MYOM1: variants seen among roughly 807,000 people sequenced by gnomAD.
MYOM1 encodes myomesin 1.
A neutral mutation model predicts 205.3 loss-of-function variants in MYOM1; 164 were observed. That is an observed-to-expected ratio of 0.80 (90% CI 0.70 to 0.91). The LOEUF (loss-of-function observed/expected upper bound fraction) is 0.91, where lower values mean the gene tolerates loss of function less well. MYOM1 is among the 40% of genes least tolerant of loss of function. MYOM1 has a pLI of 0.00. For missense variants in MYOM1, 2,011 were observed against 2,127.3 expected (o/e 0.95, Z 1.08); for synonymous variants, 772 against 789.4 (o/e 0.98, Z 0.37).
rs2079116938 is a variant in MYOM1, at chr18:3,083,777, T to C, written c.4484+12A>G. On this transcript the variant is annotated intron_variant, in intron 33 of 37. Transcript: ENST00000356443. ...GAATTTCTACACAGCAAGTAAGTTCTCATTTACTTACTTGTGGGACCAGTT... is the reference window on the plus strand; with the variant it reads ...GAATTTCTACACAGCAAGTAAGTTCCCATTTACTTACTTGTGGGACCAGTT... 1.3e-6 allele frequency: 2 copies of C among 1,539,954 alleles called. No homozygotes were observed. The highest frequency in any genetic ancestry group is 4.8e-5 in the East Asian group (2 of 41,660).
chr18:3,109,578 C>G (rs1268417546), intron 22 of MYOM1, among the ~76,000 whole-genome samples: 1 of 152,134 alleles, frequency 6.6e-6, no homozygotes, highest in Non-Finnish European at 1.5e-5. Flanking sequence ...CAGAAACAAC[C>G]TCTTAACCTG....
At chr18:3,188,646 GAAAC>G in intron 4 of MYOM1, 98 bp downstream of exon 4, 1 of 1,204,764 alleles carries the variant, frequency 8.3e-7, no homozygotes, top group Non-Finnish European at 1.1e-6. Flanking sequence ...AAAAAAAAAA[GAAAC>G]AAATCAATCT....
intron 8 of MYOM1, among the ~76,000 whole-genome samples, chr18:3,171,527 C>T (rs976627242): frequency 6.6e-6 from 1 of 152,062 alleles, no homozygotes; most frequent in Non-Finnish European, 1.5e-5. Context: ...AGTTTAACAA[C>T]CAGAAGACAA....
intron 2 of MYOM1, among the ~76,000 whole-genome samples, chr18:3,205,912 G>A (rs1400861951): frequency 6.6e-6 from 1 of 152,154 alleles, no homozygotes; most frequent in Non-Finnish European, 1.5e-5. Flanking sequence ...TTTGGCACTG[G>A]GGTAGGAGTA....
intron 2 of MYOM1, among the ~76,000 whole-genome samples, chr18:3,199,814 T>C (rs1279300799): frequency 1.3e-5 from 2 of 151,622 alleles, no homozygotes; most frequent in African/African-American, 2.4e-5. Context: ...CACTCCAGCC[T>C]GGGTGACAGA....
chr18:3,174,939 T>C (rs1459346586), intron 6 of MYOM1, among the ~76,000 whole-genome samples: 1 of 152,196 alleles, frequency 6.6e-6, no homozygotes, highest in Non-Finnish European at 1.5e-5. Flanking sequence ...AATGGTTTCA[T>C]GGAGAGATGA....
intron 17 of MYOM1, among the ~76,000 whole-genome samples, chr18:3,130,125 C>T (rs1248021015): frequency 6.6e-6 from 1 of 151,940 alleles, no homozygotes; most frequent in Non-Finnish European, 1.5e-5. Flanking sequence ...TCACTGCAAC[C>T]TCCACCTTCT....
Position 3,119,810 on chromosome 18 carries a change from G to A in MYOM1, c.3118+59C>T. ...AGTACTTTGAATTTCATTCCAGGTT[G>A]TAGGTTCTCTTGGAGGAAATTCCGA... On this transcript the variant is annotated intron_variant, in intron 20 of 37. Coordinates refer to ENST00000356443, the MANE Select transcript of MYOM1 (RefSeq NM_003803.4). 3 of 1,553,906 alleles carry A rather than the reference G, an allele frequency of 1.9e-6. No homozygotes were observed. The East Asian group carries it at 6.8e-5, about 35-fold the overall frequency.
chr18:3,174,151 C>G lies in MYOM1; in HGVS notation c.1080G>C (p.Glu360Asp). 1 of 1,614,038 alleles carries G rather than the reference C, an allele frequency of 6.2e-7. No homozygotes were observed. ...CCACAACTGAAGCATATGCCGAAAG[C>G]TCTCCTTTAACATTCATCGCCGAGG... ...YRASAMNVKG[E>D]LSAYASVVVK... Residue 360 changes from glutamate (E) to aspartate (D), a missense_variant, in exon 7 of 38, where the codon GAG (glutamate) becomes GAC (aspartate). Glu to Asp is a conservative substitution (Grantham distance 45). Transcript: ENST00000356443.
Position 3,135,005 on chromosome 18 carries a change from G to C in MYOM1, c.2210-181C>G, listed in dbSNP as rs1199500885. ...GCTCTGTCACCCAGGCTGGAGAGCA[G>C]TGGCGGGATCTCGGCTCACTGCAGC... is the stretch of plus-strand genomic sequence containing the variant. On this transcript the variant is annotated intron_variant, in intron 15 of 37. Coordinates refer to ENST00000356443, the MANE Select transcript of MYOM1 (RefSeq NM_003803.4). The surrounding 1 kb of genome is among the most constrained non-coding windows in gnomAD (Gnocchi z 4.1). The C allele has an allele frequency of 3.4e-6, 2 of 596,940 alleles. No homozygotes were observed. The highest frequency in any genetic ancestry group is 3.7e-5 in the African/African-American group (2 of 53,356). The allele number at this position is 596,940 out of a possible 1,614,324, so 37.0% of individuals were successfully genotyped here.
intron 13 of MYOM1, among the ~76,000 whole-genome samples, chr18:3,144,457 T>G (rs1464402874): frequency 1.3e-5 from 2 of 152,178 alleles, no homozygotes; most frequent in East Asian, 3.8e-4. Flanking sequence ...AATAGCAAGA[T>G]GATTGATTTA....
rs761185552 is a variant in MYOM1 at position 3,131,328 on chromosome 18, T to C, written c.2506+47A>G. 6.2e-6 allele frequency: 10 copies of C among 1,603,268 alleles called. No individual in the cohort carries two copies. In the East Asian group the frequency reaches 6.7e-5, roughly 11 times the overall value. On this transcript the variant is annotated intron_variant, in intron 17 of 37. Transcript: ENST00000356443. The stretch of plus-strand genomic sequence containing the variant: ...GAGGATGGTATCTTCCTTTCTAACA[T>C]AGAAAAATCCATTTTTCCCCCATAC...
At position 3,126,723 on chromosome 18, in the gene MYOM1, G is replaced by C; in HGVS notation, c.2969C>G (p.Ala990Gly). ...TACCTTGTATGCCTCCTCACTGACAGCCTTGACATTGGCTTCTCTCCATTT... is the reference window on the plus strand; with the variant it reads ...TACCTTGTATGCCTCCTCACTGACACCCTTGACATTGGCTTCTCTCCATTT... ...PGKWREANVK[A>G]VSEEAYKISN... The change falls in exon 19 of 38, where the codon GCT (alanine) becomes GGT (glycine). Residue 990 changes from alanine to glycine, a missense_variant. Physicochemically the swap from Ala to Gly is moderately conservative, Grantham distance 60 (BLOSUM62 0). Coordinates refer to ENST00000356443, the MANE Select transcript of MYOM1 (RefSeq NM_003803.4). The C allele has an allele frequency of 6.2e-7, 1 of 1,613,552 alleles. No individual in the cohort carries two copies. Among genetic ancestry groups the C allele is most frequent in the Middle Eastern group, 1.6e-4 (1 of 6,062 alleles).
chr18:3,094,855 A>G (rs2079279810), intron 25 of MYOM1, among the ~76,000 whole-genome samples: 1 of 151,722 alleles, frequency 6.6e-6, no homozygotes, highest in Non-Finnish European at 1.5e-5. Context: ...TATTAGAAAG[A>G]GACTCACTAT....
At chr18:3,075,506 G>A (rs78687353) in intron 35 of MYOM1, 30 bp from the exon 36 acceptor site, 3 of 776,704 alleles carry the variant, frequency 3.9e-6, no homozygotes, top group Non-Finnish European at 5.7e-6. Flanking sequence ...ACAAACAGAC[G>A]AAGAATTTTG....
the MYOM1 span, among the ~76,000 whole-genome samples, chr18:3,226,790 A>G: frequency 6.6e-6 from 1 of 152,224 alleles, no homozygotes; most frequent in Non-Finnish European, 1.5e-5. This position sits in a 1 kb window ranked among gnomAD's most constrained non-coding sequence, Gnocchi z 4.6. Flanking sequence ...ATAAAGAATT[A>G]CTGAATGAGG....
chr18:3,120,058 T>C (rs2079665697), intron 19 of MYOM1, 63 bp from the exon 20 acceptor site: 6 of 1,515,210 alleles, frequency 4.0e-6, no homozygotes, highest in Non-Finnish European at 5.3e-6. Flanking sequence ...TTTCTACTTG[T>C]TGAGCATTTT....
intron 33 of MYOM1, among the ~76,000 whole-genome samples, chr18:3,080,902 G>A (rs7239538): frequency 0.14 from 20,569 of 152,126 alleles, 1,685 homozygotes; most frequent in African/African-American, 0.23. Flanking sequence ...GGGAGGCCGA[G>A]GCAGGTGGAT....
Position 3,075,493 on chromosome 18 carries a change from C to T in MYOM1, c.4686-17G>A, listed in dbSNP as rs199520989. The T allele has an allele frequency of 7.9e-5, 118 of 1,495,852 alleles. 1 individual carries two copies. The Middle Eastern group carries it at 1.2e-3, about 15-fold the overall frequency. The allele number at this position is 1,495,852 out of a possible 1,614,324, so 92.7% of individuals were successfully genotyped here. A position where few individuals can be genotyped will look rare whatever the true frequency, so the allele number is the denominator to read the frequency against. Reference sequence around the variant, plus strand: ...GCAGCTTGTCTGTGGTTGAGAGAAACGAACAAACAGACGAAGAATTTTGTG... The same window carrying T: ...GCAGCTTGTCTGTGGTTGAGAGAAATGAACAAACAGACGAAGAATTTTGTG... On this transcript the variant is annotated splice_polypyrimidine_tract_variant and intron_variant, in intron 35 of 37. Coordinates refer to ENST00000356443, the MANE Select transcript of MYOM1 (RefSeq NM_003803.4).
Sources: allele counts gnomAD v4.1 joint callset (sites outside exome capture counted in the v4.1 genomes callset), GRCh38; gene constraint gnomAD v4.1.1; non-coding constraint Gnocchi (gnomAD v3.1); transcripts MANE v1.5; gene names NCBI Gene and HGNC (gene_info 2026-07-23, HGNC 2026-07-21).